The following KIF17 variants were observed in gnomAD, a reference collection of about 807,000 sequenced individuals.
The protein encoded by KIF17 is kinesin family member 17.
In KIF17, 80 loss-of-function variants were observed where a neutral mutation model predicts 96.8. That is an observed-to-expected ratio of 0.83 (90% CI 0.69 to 1.00). The LOEUF (loss-of-function observed/expected upper bound fraction) is 1.00. KIF17 is among the 50% of genes least tolerant of loss of function. The pLI, the probability that KIF17 is intolerant of heterozygous loss-of-function variation, is 0.00. For missense variants in KIF17, 1,280 were observed against 1,372.9 expected, an observed-to-expected ratio of 0.93 and a Z score of 1.07; for synonymous variants, 567 against 587.5, an observed-to-expected ratio of 0.97 and a Z score of 0.51.
rs1050038782 is a variant in KIF17, at chr1:20,682,807, C to T, written c.2309G>A (p.Arg770His). ...NKDLKEKHKR[R>H]KRYADERRKQ... ...CCTGCGCTCGTCTGCGTAGCGCTTG[C>T]GCCGCTTGTGCTTCTCCTTCAGGTC... is the stretch of plus-strand genomic sequence containing the variant. Residue 770 changes from arginine (R) to histidine (H), a missense_variant, in exon 11 of 15, where the codon CGC becomes CAC. Transcript: ENST00000400463. The T allele has an allele frequency of 3.9e-5, 63 of 1,612,552 alleles. No homozygotes were observed. Among genetic ancestry groups the T allele is most frequent in the Admixed American group, 5.0e-5 (3 of 60,012 alleles).
At chr1:20,694,904 C>T (rs1181217784) in intron 6 of KIF17, among the ~76,000 whole-genome samples, 6 of 152,278 alleles carry the variant, frequency 3.9e-5, no homozygotes, top group Non-Finnish European at 7.4e-5. Flanking sequence ...ATCCCTGACT[C>T]CCTCACCCAG....
chr1:20,674,280 C>T (rs879321984), intron 11 of KIF17, among the ~76,000 whole-genome samples: 2 of 151,766 alleles, frequency 1.3e-5, no homozygotes, highest in Admixed American at 1.3e-4. Context: ...AATTCATATG[C>T]CATAAAATTC....
Position 20,700,121 on chromosome 1 carries a change from G to A in KIF17, c.1124-1633C>T, listed in dbSNP as rs1008691873. ...GGTCTTTGCTCTGTCGCCTAGGCTAGATGCAATCGTGTGATCTCGGCTCAC... is the reference window on the plus strand; with the variant it reads ...GGTCTTTGCTCTGTCGCCTAGGCTAAATGCAATCGTGTGATCTCGGCTCAC... On this transcript the variant is annotated intron_variant, in intron 5 of 14. Coordinates refer to ENST00000400463, the MANE Select transcript of KIF17 (RefSeq NM_001122819.3). The surrounding 1 kb of genome is among the most constrained non-coding windows in gnomAD (Gnocchi z 4.6). 6.6e-6 allele frequency among the ~76,000 whole-genome samples: 1 copy of A among 152,168 alleles called. No homozygotes were observed. Among genetic ancestry groups the A allele is most frequent in the Non-Finnish European group, 1.5e-5 (1 of 68,026 alleles).
rs2053666325 is a variant in KIF17 at position 20,672,553 on chromosome 1, A to G, written c.2464-357T>C. Among the ~76,000 whole-genome samples the G allele has an allele frequency of 6.6e-6, 1 of 152,312 alleles. No homozygotes were observed. The highest frequency in any genetic ancestry group is 2.1e-4 in the South Asian group (1 of 4,824). On this transcript the variant is annotated intron_variant, in intron 11 of 14. Coordinates refer to ENST00000400463, the MANE Select transcript of KIF17 (RefSeq NM_001122819.3). This position sits in a 1 kb window ranked among gnomAD's most constrained non-coding sequence, Gnocchi z 4.3. ...TCTCCCATTGTACATTTTATTCAGG[A>G]GCCTTTGAGAAGTCCCCACATCCAA...
chr1:20,664,946 C>T (rs1336991621), intron 14 of KIF17, among the ~76,000 whole-genome samples, 184 bp from the exon 15 acceptor site: 4 of 152,122 alleles, frequency 2.6e-5, no homozygotes, highest in Admixed American at 1.3e-4. Context: ...GTCTCAGACC[C>T]AGCAACTATG....
chr1:20,698,080 A>C (rs961521222), intron 6 of KIF17, among the ~76,000 whole-genome samples: 1 of 151,956 alleles, frequency 6.6e-6, no homozygotes, highest in Non-Finnish European at 1.5e-5. Flanking sequence ...TTCCTTCAAA[A>C]CGGAGGGGAG....
At chr1:20,663,600 C>T (rs1433911638), downstream of KIF17, among the ~76,000 whole-genome samples, 6 of 152,168 alleles carry the variant, frequency 3.9e-5, no homozygotes, top group Non-Finnish European at 8.8e-5. Flanking sequence ...TGGAGCCCCC[C>T]ACAGGACTGG....
intron 5 of KIF17, among the ~76,000 whole-genome samples, chr1:20,702,133 T>G (rs924883338): frequency 1.3e-5 from 2 of 152,096 alleles, no homozygotes; most frequent in African/African-American, 4.8e-5. Flanking sequence ...CCCAGTTGCC[T>G]CACAGCACAC....
chr1:20,711,245 G>A (rs940792713), intron 3 of KIF17, among the ~76,000 whole-genome samples: 1 of 152,110 alleles, frequency 6.6e-6, no homozygotes, highest in South Asian at 2.1e-4. Context: ...TCGCCATCTC[G>A]GGCCTGAGCA....
chr1:20,695,547 G>A lies in KIF17; in HGVS notation c.1233+2832C>T, dbSNP rs914732843. On this transcript the variant is annotated intron_variant, in intron 6 of 14. Transcript: ENST00000400463. ...CAGGCAGGCGGGTTTCGACATGGCT[G>A]AGCCCACAGCCCCAGTCCTACCCTT... Among the ~76,000 whole-genome samples the A allele has an allele frequency of 3.0e-4, 45 of 152,116 alleles. 1 individual carries two copies. The highest frequency in any genetic ancestry group is 2.0e-4 in the Admixed American group (3 of 15,270).
intron 11 of KIF17, among the ~76,000 whole-genome samples, chr1:20,676,295 A>G (rs561312371): frequency 3.3e-4 from 51 of 152,344 alleles, no homozygotes; most frequent in Non-Finnish European, 5.6e-4. Context: ...GAAAATTTTC[A>G]TATGGCAAAA....
At position 20,670,356 on chromosome 1, in the gene KIF17, C is replaced by T. The variant is rs2053618240; in HGVS notation, c.2790+65G>A. ...ACCAGCTCTCCACAGTAACACTGAC[C>T]CACAGCACTGGGGGCAAAGCCCTCC... On this transcript the variant is annotated intron_variant, in intron 13 of 14. Coordinates refer to ENST00000400463, the MANE Select transcript of KIF17 (RefSeq NM_001122819.3). 12 of 1,462,732 alleles carry T rather than the reference C, an allele frequency of 8.2e-6. No homozygotes were observed. In the East Asian group the frequency reaches 2.5e-4, roughly 30 times the overall value. 90.6% of individuals were successfully genotyped at this position (1,462,732 alleles called of 1,614,324 possible). A position where few individuals can be genotyped will look rare whatever the true frequency, so the allele number is the denominator to read the frequency against.
At position 20,666,231 on chromosome 1, in the gene KIF17, TCTGTG is replaced by T; in HGVS notation, c.2886_2890del (p.Ser962ArgfsTer32). The T allele has an allele frequency of 6.2e-7, 1 of 1,613,814 alleles. No homozygotes were observed. The highest frequency in any genetic ancestry group is 2.2e-5 in the East Asian group (1 of 44,880). On this transcript the variant is annotated frameshift_variant, in exon 14 of 15. Transcript: ENST00000400463. LOFTEE classifies it high-confidence loss of function. Reference sequence around the variant, plus strand: ...ACACTCACTGAGGCTCTTCCTGGCGTCTGTGCTGAGGATCTGGCTGGCCCGCTTAG... The same window carrying T: ...ACACTCACTGAGGCTCTTCCTGGCGTCTGAGGATCTGGCTGGCCCGCTTAG...
chr1:20,717,519 A>G lies in KIF17; in HGVS notation c.188T>C (p.Val63Ala). The change falls in exon 1 of 15, where the codon GTC (valine) becomes GCC (alanine). Residue 63 changes from valine to alanine, a missense_variant. Physicochemically the swap from Val to Ala is moderately conservative, Grantham distance 64. Coordinates refer to ENST00000400463, the MANE Select transcript of KIF17 (RefSeq NM_001122819.3). ...GATCTCGTTGTAGATCTGCTCGGTG[A>G]CGTGGTCCACGTGGTAGGCGCCGTC... ...TFDGAYHVDH[V>A]TEQIYNEIAY... The G allele has an allele frequency of 6.2e-7, 1 of 1,611,698 alleles. No homozygotes were observed. Among genetic ancestry groups the G allele is most frequent in the Non-Finnish European group, 8.5e-7 (1 of 1,179,574 alleles).
chr1:20,677,203 C>T (rs923247270), intron 11 of KIF17, among the ~76,000 whole-genome samples: 1 of 152,060 alleles, frequency 6.6e-6, no homozygotes, highest in African/African-American at 2.4e-5. Flanking sequence ...AGGGTGAGAC[C>T]TCGTCTCAAT....
At chr1:20,665,196 A>G (rs1364565505) in intron 14 of KIF17, among the ~76,000 whole-genome samples, 4 of 113,290 alleles carry the variant, frequency 3.5e-5, no homozygotes, top group Non-Finnish European at 5.2e-5. Context: ...AAATAACCTC[A>G]ATATATAGAA....
intron 6 of KIF17, 108 bp downstream of exon 6, chr1:20,698,271 C>A: frequency 3.9e-6 from 3 of 768,816 alleles, no homozygotes; most frequent in Non-Finnish European, 2.3e-6. Flanking sequence ...ACCAAACCCA[C>A]GGTGAAGGTA....
intron 3 of KIF17, among the ~76,000 whole-genome samples, chr1:20,711,463 C>T (rs114114736): frequency 0.016 from 2,362 of 152,186 alleles, 27 homozygotes; most frequent in Middle Eastern, 0.045. Flanking sequence ...ATCTCTGCTG[C>T]GGAGAGGCCA....
At chr1:20,686,495 A>G (rs1300773640) in intron 8 of KIF17, 1 of 252,554 alleles carries the variant, frequency 4.0e-6, no homozygotes, top group Non-Finnish European at 6.9e-6. Flanking sequence ...ACACACACAC[A>G]CAAAATACAC....
Sources: allele counts gnomAD v4.1 joint callset (sites outside exome capture counted in the v4.1 genomes callset), GRCh38; gene constraint gnomAD v4.1.1; non-coding constraint Gnocchi (gnomAD v3.1); transcripts MANE v1.5; gene names NCBI Gene and HGNC (gene_info 2026-07-23, HGNC 2026-07-21).